Variants in SPTBN2 observed in about 807,000 individuals in gnomAD.
SPTBN2 encodes the protein spectrin beta, non-erythrocytic 2, also known as spectrin beta chain, non-erythrocytic 2.
Under a neutral mutation model 284.2 loss-of-function variants are expected in SPTBN2, and 107 were observed. The ratio of observed to expected loss-of-function variants is 0.38; its 90% CI spans 0.32 to 0.44. The LOEUF is 0.44. Among genes scored for constraint, SPTBN2 ranks in the 20% least tolerant of loss-of-function variants. The pLI, the probability that SPTBN2 is intolerant of heterozygous loss-of-function variation, is 1.00. For synonymous variants in SPTBN2, 1,289 were observed against 1,354.8 expected (o/e 0.95, Z 1.07); for missense variants, 2,569 against 3,287.1 (o/e 0.78, Z 5.34).
intron 1 of SPTBN2, among the ~76,000 whole-genome samples, chr11:66,722,938 T>A (rs990778231): frequency 6.8e-6 from 1 of 147,654 alleles, no homozygotes; most frequent in Non-Finnish European, 1.5e-5. Context: ...TGGTTCAAGG[T>A]CACGCAGCCG....
Position 66,696,439 on chromosome 11 carries a change from G to C in SPTBN2, c.4116C>G (p.Thr1372=), listed in dbSNP as rs1171878312. 1 of 1,612,944 alleles carries C rather than the reference G, an allele frequency of 6.2e-7. No individual in the cohort carries two copies. The highest frequency in any genetic ancestry group is 8.5e-7 in the Non-Finnish European group (1 of 1,180,026). ...HRRWDELETT[T]QAKARSLFDA... The stretch of plus-strand genomic sequence containing the variant: ...CAAAGAGGCTGCGGGCCTTGGCTTG[G>C]GTGGTGGTCTCCAGCTCGTCCCAGC... Residue 1372 remains threonine, a synonymous_variant, in exon 21 of 38, where the codon ACC becomes ACG. Coordinates refer to ENST00000533211, the MANE Select transcript of SPTBN2 (RefSeq NM_006946.4).
intron 21 of SPTBN2, 142 bp downstream of exon 21, chr11:66,696,135 G>A: frequency 9.1e-7 from 1 of 1,093,194 alleles, no homozygotes; most frequent in Non-Finnish European, 1.3e-6. Flanking sequence ...TAGAGATTCT[G>A]ATACTGGCTG....
Position 66,684,397 on chromosome 11 carries a change from G to T in SPTBN2, c.*1474C>A, listed in dbSNP as rs1939972978. ...ACGCCTGTAATCCCAACAGTTTGAG[G>T]CCAAGGTGAGAGAATCACTTGGGCC... On this transcript the variant is annotated 3_prime_UTR_variant, in exon 38 of 38. Transcript: ENST00000533211. 3.3e-5 allele frequency among the ~76,000 whole-genome samples: 5 copies of T among 152,076 alleles called. No individual in the cohort carries two copies. Among genetic ancestry groups the T allele is most frequent in the Admixed American group, 3.3e-4 (5 of 15,274 alleles).
At position 66,721,127 on chromosome 11, in the gene SPTBN2, G is replaced by A. The variant is rs754321732; in HGVS notation, c.114C>T (p.Ser38=). ...GAGACCTCTCAAAGAGGCGGGCCGAGCTGCTGTCATTGTCCCAGTCCGAGT... is the reference window on the plus strand; with the variant it reads ...GAGACCTCTCAAAGAGGCGGGCCGAACTGCTGTCATTGTCCCAGTCCGAGT... ...LPDSDWDNDS[S]SARLFERSRI... Residue 38 remains serine, a synonymous_variant, in exon 3 of 38, where the codon AGC becomes AGT. Transcript: ENST00000533211. The A allele has an allele frequency of 6.2e-7, 1 of 1,614,190 alleles. No individual in the cohort carries two copies. The highest frequency in any genetic ancestry group is 8.5e-7 in the Non-Finnish European group (1 of 1,180,042).
chr11:66,689,189 G>C lies in SPTBN2; in HGVS notation c.5950-9C>G. The C allele has an allele frequency of 6.3e-7, 1 of 1,598,288 alleles. No homozygotes were observed. Among genetic ancestry groups the C allele is most frequent in the African/African-American group, 1.3e-5 (1 of 74,808 alleles). ...GACAGCTTCTCTGAGATCTGGGGGC[G>C]GGGGGCAGAGATATGAGTTAGCACC... On this transcript the variant is annotated splice_polypyrimidine_tract_variant and intron_variant, in intron 29 of 37. Coordinates refer to ENST00000533211, the MANE Select transcript of SPTBN2 (RefSeq NM_006946.4).
At position 66,714,319 on chromosome 11, in the gene SPTBN2, G is replaced by A. The variant is rs765382378; in HGVS notation, c.572C>T (p.Ala191Val). 1.9e-6 allele frequency: 3 copies of A among 1,613,848 alleles called. No homozygotes were observed. Among genetic ancestry groups the A allele is most frequent in the South Asian group, 1.1e-5 (1 of 91,052 alleles). ...CACACGCCCAGGGTGTCCTCACCCT[G>A]CAGTCTTCATCTGGCACCACAGAAG... is the stretch of plus-strand genomic sequence containing the variant. ...ALLLWCQMKT[A>V]GYPNVNVHNF... The change falls in exon 6 of 38, where the codon GCA (alanine) becomes GTA (valine). Residue 191 changes from alanine to valine, a missense_variant. Ala to Val is a moderately conservative substitution (Grantham distance 64, BLOSUM62 0). This residue lies in a region of SPTBN2 where 304 missense variants were observed against 522.1 expected (regional missense o/e 0.58). Coordinates refer to ENST00000533211, the MANE Select transcript of SPTBN2 (RefSeq NM_006946.4).
At position 66,710,404 on chromosome 11, in the gene SPTBN2, C is replaced by A. The variant is rs552482265; in HGVS notation, c.1073+178G>T. 1.3e-5 allele frequency among the ~76,000 whole-genome samples: 2 copies of A among 152,056 alleles called. No homozygotes were observed. Among genetic ancestry groups the A allele is most frequent in the Non-Finnish European group, 2.9e-5 (2 of 68,008 alleles). The stretch of plus-strand genomic sequence containing the variant: ...CGGCCCACAGCATGATTTTTAAAAA[C>A]GACTAATCATTAAAAAATTTTATTT... On this transcript the variant is annotated intron_variant, in intron 10 of 37. Transcript: ENST00000533211. This position sits in a 1 kb window ranked among gnomAD's most constrained non-coding sequence, Gnocchi z 4.9.
Position 66,707,624 on chromosome 11 carries a change from G to C in SPTBN2, c.1545C>G (p.Phe515Leu). 1 of 1,610,646 alleles carries C rather than the reference G, an allele frequency of 6.2e-7. No homozygotes were observed. The highest frequency in any genetic ancestry group is 8.5e-7 in the Non-Finnish European group (1 of 1,179,976). Residue 515 changes from phenylalanine to leucine, a missense_variant, in exon 13 of 38, where the codon TTC becomes TTG. By Grantham distance (22) the Phe-to-Leu change is conservative (BLOSUM62 0). Coordinates refer to ENST00000533211, the MANE Select transcript of SPTBN2 (RefSeq NM_006946.4). This position sits in a 1 kb window ranked among gnomAD's most constrained non-coding sequence, Gnocchi z 4.9. ...GCCGGGCGGCCACCATCTGCCGCAA[G>C]AAGTCCCAGAGCCGTGCCACGTTGT... ...RQHNVARLWD[F>L]LRQMVAARRE...
At position 66,692,758 on chromosome 11, in the gene SPTBN2, G is replaced by C. The variant is rs756760616; in HGVS notation, c.4986-18C>G. ...TCCGAGTGCTGCAAGAAGAGTGAGG[G>C]AGGCACTGTGGGACTTAGGGGTGTA... On this transcript the variant is annotated intron_variant, in intron 25 of 37. Coordinates refer to ENST00000533211, the MANE Select transcript of SPTBN2 (RefSeq NM_006946.4). 2 of 1,600,148 alleles carry C rather than the reference G, an allele frequency of 1.2e-6. No individual in the cohort carries two copies. The highest frequency in any genetic ancestry group is 4.5e-5 in the East Asian group (2 of 44,880).
Position 66,687,732 on chromosome 11 carries a change from G to C in SPTBN2, c.6502-85C>G. The C allele has an allele frequency of 1.3e-6, 2 of 1,581,496 alleles. No homozygotes were observed. The highest frequency in any genetic ancestry group is 1.7e-6 in the Non-Finnish European group (2 of 1,155,786). On this transcript the variant is annotated intron_variant, in intron 34 of 37. Coordinates refer to ENST00000533211, the MANE Select transcript of SPTBN2 (RefSeq NM_006946.4). The surrounding 1 kb of genome is among the most constrained non-coding windows in gnomAD (Gnocchi z 5.2). Reference sequence around the variant, plus strand: ...CAGGAAGCTCCGTGTCCAGGAGTTGGTCTTCCTGCCCCCAAGCTGCCTGTG... The same window carrying C: ...CAGGAAGCTCCGTGTCCAGGAGTTGCTCTTCCTGCCCCCAAGCTGCCTGTG...
Position 66,705,747 on chromosome 11 carries a change from C to A in SPTBN2, c.1744G>T (p.Val582Leu), listed in dbSNP as rs766869082. The change falls in exon 14 of 38, where the codon GTG becomes TTG. Residue 582 changes from valine (V) to leucine (L), a missense_variant. This residue lies in a region of SPTBN2 where 1,012 missense variants were observed against 1,248.9 expected (regional missense o/e 0.81). Coordinates refer to ENST00000533211, the MANE Select transcript of SPTBN2 (RefSeq NM_006946.4). Reference protein sequence around the residue: ...LHELVEADIAVQAERVRAVSA... With the variant: ...LHELVEADIALQAERVRAVSA... ...ACGGCCCGCACCCTCTCGGCCTGCA[C>A]GGCGATGTCTGCCTCCACCAGCTCG... 1.2e-6 allele frequency: 2 copies of A among 1,612,470 alleles called. No individual in the cohort carries two copies. The highest frequency in any genetic ancestry group is 1.7e-6 in the Non-Finnish European group (2 of 1,179,948).
chr11:66,707,695 C>A lies in SPTBN2; in HGVS notation c.1474G>T (p.Ala492Ser). The A allele has an allele frequency of 6.2e-7, 1 of 1,605,408 alleles. No homozygotes were observed. The highest frequency in any genetic ancestry group is 8.5e-7 in the Non-Finnish European group (1 of 1,179,228). Residue 492 changes from alanine (A) to serine (S), a missense_variant, in exon 13 of 38, where the codon GCC becomes TCC. This residue lies in a region of SPTBN2 where 1,012 missense variants were observed against 1,248.9 expected (regional missense o/e 0.81). Coordinates refer to ENST00000533211, the MANE Select transcript of SPTBN2 (RefSeq NM_006946.4). The surrounding 1 kb of genome is among the most constrained non-coding windows in gnomAD (Gnocchi z 4.9). ...TTGATGTCGTGGTAGCGCTCGGCGG[C>A]CAGCTCTGCAGCCACGGCGTCCACT... is the stretch of plus-strand genomic sequence containing the variant. ...QAVDAVAAELAAERYHDIKRI... is the reference protein window; with the variant it reads ...QAVDAVAAELSAERYHDIKRI...
In SPTBN2 at chr11:66,705,178, T is replaced by C; in HGVS notation, c.2098A>G (p.Thr700Ala). 6.5e-7 allele frequency: 1 copy of C among 1,535,040 alleles called. No homozygotes were observed. The highest frequency in any genetic ancestry group is 8.8e-7 in the Non-Finnish European group (1 of 1,142,780). The stretch of plus-strand genomic sequence containing the variant: ...ACCAACTGCTGGCCCTGCTCCAGGG[T>C]GAGCTTCAGGGGCCCCAGCCGGCCG... ...MSGRLGPLKL[T>A]LEQGQQLVAE... Residue 700 changes from threonine to alanine, a missense_variant, in exon 15 of 38, where the codon ACC becomes GCC. Physicochemically the swap from Thr to Ala is moderately conservative, Grantham distance 58. Coordinates refer to ENST00000533211, the MANE Select transcript of SPTBN2 (RefSeq NM_006946.4).
rs891606898 is a variant in SPTBN2 at position 66,715,351 on chromosome 11, G to A, written c.354C>T (p.Asn118=). The change falls in exon 5 of 38, where the codon AAC becomes AAT. Residue 118 remains asparagine (N), a synonymous_variant. Coordinates refer to ENST00000533211, the MANE Select transcript of SPTBN2 (RefSeq NM_006946.4). This position sits in a 1 kb window ranked among gnomAD's most constrained non-coding sequence, Gnocchi z 5.3. ...TGAGGAACTGCAGTGCCTTGTCCAC[G>A]TTCTCCAGGCAGTGGATCCGCATGC... The part of the protein sequence containing the change: ...KGRMRIHCLE[N]VDKALQFLKE... 3 of 1,614,184 alleles carry A rather than the reference G, an allele frequency of 1.9e-6. No homozygotes were observed. Among genetic ancestry groups the A allele is most frequent in the South Asian group, 1.1e-5 (1 of 91,082 alleles).
chr11:66,713,998 G>T, intron 7 of SPTBN2, 93 bp downstream of exon 7: 1 of 1,324,458 alleles, frequency 7.6e-7, no homozygotes, highest in Non-Finnish European at 1.1e-6. Context: ...TCTGACTGCT[G>T]TGCAGCTCAT....
At chr11:66,721,006 A>G (rs1276274292) in intron 3 of SPTBN2, 78 bp downstream of exon 3, 29 of 1,592,166 alleles carry the variant, frequency 1.8e-5, no homozygotes, top group Non-Finnish European at 2.4e-5. Flanking sequence ...GTCTTCCCAT[A>G]AAGTTAAAGG....
At chr11:66,721,014 A>C in intron 3 of SPTBN2, 70 bp downstream of exon 3, 2 of 1,601,384 alleles carry the variant, frequency 1.2e-6, no homozygotes, top group Non-Finnish European at 1.7e-6. Flanking sequence ...ATAAAGTTAA[A>C]GGGCTCTTCA....
rs1241325320 is a variant in SPTBN2 at position 66,686,741 on chromosome 11, A to G, written c.6896+253T>C. Reference sequence around the variant, plus strand: ...GGTCTTCCCAGATCCCTACCTTTGGATTTCCCACCCTGGGTAATTTTTCAC... The same window carrying G: ...GGTCTTCCCAGATCCCTACCTTTGGGTTTCCCACCCTGGGTAATTTTTCAC... On this transcript the variant is annotated intron_variant, in intron 36 of 37. Coordinates refer to ENST00000533211, the MANE Select transcript of SPTBN2 (RefSeq NM_006946.4). 37 of 639,786 alleles carry G rather than the reference A, an allele frequency of 5.8e-5. No individual in the cohort carries two copies. In the East Asian group the frequency reaches 9.8e-4, roughly 17 times the overall value. 39.6% of individuals were successfully genotyped at this position (639,786 alleles called of 1,614,324 possible). A position where few individuals can be genotyped will look rare whatever the true frequency, so the allele number is the denominator to read the frequency against.
intron 1 of SPTBN2, among the ~76,000 whole-genome samples, chr11:66,724,693 G>C (rs968271985): frequency 1.3e-5 from 2 of 152,150 alleles, no homozygotes; most frequent in African/African-American, 4.8e-5. Flanking sequence ...CCTCCCAAGG[G>C]GAGGGGCAGA....
Sources: allele counts gnomAD v4.1 joint callset (sites outside exome capture counted in the v4.1 genomes callset), GRCh38; gene constraint gnomAD v4.1.1; regional missense constraint gnomAD v4.1.1; non-coding constraint Gnocchi (gnomAD v3.1); transcripts MANE v1.5; gene names NCBI Gene and HGNC (gene_info 2026-07-23, HGNC 2026-07-21).